The following JAKMIP3 variants were observed in gnomAD, a reference collection of about 807,000 sequenced individuals.
JAKMIP3 encodes the protein Janus kinase and microtubule interacting protein 3.
A neutral mutation model predicts 118.5 loss-of-function variants in JAKMIP3; 58 were observed. That is an observed-to-expected ratio of 0.49 (90% confidence interval 0.40 to 0.61). The LOEUF (loss-of-function observed/expected upper bound fraction) is 0.61. Among genes scored for constraint, JAKMIP3 ranks in the 20% least tolerant of loss-of-function variants. The pLI is 0.00. For synonymous variants in JAKMIP3, 486 were observed against 451.2 expected (o/e 1.08, Z -0.98); for missense variants, 950 against 1,109.0 (o/e 0.86, Z 2.04).
chr10:132,037,202 T>C (rs2037537496), intron 1 of JAKMIP3, among the ~76,000 whole-genome samples: 1 of 152,186 alleles, frequency 6.6e-6, no homozygotes, highest in East Asian at 1.9e-4. Context: ...AAGGCTTTGG[T>C]GGAGGTCGGG....
intron 21 of JAKMIP3, among the ~76,000 whole-genome samples, chr10:132,166,712 C>T (rs961255091): frequency 3.3e-5 from 5 of 152,188 alleles, no homozygotes; most frequent in Non-Finnish European, 7.4e-5. Flanking sequence ...GCTGGGGACA[C>T]GCTGGGTGTG....
intron 1 of JAKMIP3, among the ~76,000 whole-genome samples, chr10:132,047,796 A>C: frequency 9.6e-6 from 1 of 103,792 alleles, no homozygotes; most frequent in African/African-American, 3.5e-5. Flanking sequence ...CTGCGAGCTG[A>C]GTGTCCCCTC....
At chr10:132,171,132 G>A (rs556581875) in intron 23 of JAKMIP3, among the ~76,000 whole-genome samples, 61 of 152,376 alleles carry the variant, frequency 4.0e-4, no homozygotes, top group Admixed American at 7.2e-4. Flanking sequence ...TCCCTTGGGG[G>A]AGGTTACGGA....
chr10:132,165,766 C>T (rs2058835231), intron 21 of JAKMIP3, among the ~76,000 whole-genome samples: 1 of 152,248 alleles, frequency 6.6e-6, no homozygotes, highest in Admixed American at 6.5e-5. Context: ...CGGTGACACC[C>T]ATGCCCTTCC....
At chr10:132,178,940 C>T (rs758425702) in intron 23 of JAKMIP3, among the ~76,000 whole-genome samples, 43 of 152,334 alleles carry the variant, frequency 2.8e-4, no homozygotes, top group Admixed American at 1.3e-4. Context: ...TGTACGACTA[C>T]GTCTGCACGT....
chr10:132,148,223 G>A (rs113775002), intron 14 of JAKMIP3, among the ~76,000 whole-genome samples, 173 bp downstream of exon 14: 28 of 152,150 alleles, frequency 1.8e-4, no homozygotes, highest in African/African-American at 5.8e-4. Context: ...TCTTCATACC[G>A]GCCGTCCAAA....
chr10:132,132,362 G>C (rs2050802849), intron 3 of JAKMIP3, among the ~76,000 whole-genome samples: 1 of 152,164 alleles, frequency 6.6e-6, no homozygotes, highest in Non-Finnish European at 1.5e-5. Context: ...CTAGTGCCGT[G>C]GAAAATGATG....
rs111629436 is a variant in JAKMIP3, at chr10:132,108,840, C to CA, written c.135+3908dup. Among the ~76,000 whole-genome samples, 58 of 130,506 alleles carry CA rather than the reference C, an allele frequency of 4.4e-4. 1 individual carries two copies. The highest frequency in any genetic ancestry group is 2.9e-3 in the Admixed American group (38 of 13,058). The allele number at this position is 130,506 out of a possible 152,430, so 85.6% of individuals were successfully genotyped here. ...CAACATAGCAAAACCTGGTCTCCAC[C>CA]AAAAAAAAAAATTATATATATGTAT... On this transcript the variant is annotated intron_variant, in intron 2 of 23. Transcript: ENST00000684848.
intron 1 of JAKMIP3, among the ~76,000 whole-genome samples, chr10:132,052,193 T>C (rs577992178): frequency 6.6e-6 from 1 of 152,290 alleles, no homozygotes; most frequent in Non-Finnish European, 1.5e-5. Context: ...GCCACTACAC[T>C]CCAGCCTGGG....
At chr10:132,122,432 G>A (rs2048731091) in intron 3 of JAKMIP3, among the ~76,000 whole-genome samples, 1 of 152,268 alleles carries the variant, frequency 6.6e-6, no homozygotes, top group South Asian at 2.1e-4. Context: ...GCCATCTCAG[G>A]AGCCCACTGG....
At chr10:132,162,683 A>G (rs934204771) in intron 19 of JAKMIP3, among the ~76,000 whole-genome samples, 1 of 152,010 alleles carries the variant, frequency 6.6e-6, no homozygotes, top group African/African-American at 2.4e-5. Context: ...AGATTGTATC[A>G]ATAAAATTTG....
intron 3 of JAKMIP3, among the ~76,000 whole-genome samples, chr10:132,124,475 G>A (rs1268452764): frequency 1.4e-5 from 2 of 143,200 alleles, no homozygotes; most frequent in African/African-American, 5.2e-5. Context: ...CGCCATACAC[G>A]TCCATTGCCA....
chr10:132,047,441 G>A (rs773952792), intron 1 of JAKMIP3, among the ~76,000 whole-genome samples: 18 of 152,180 alleles, frequency 1.2e-4, no homozygotes, highest in Non-Finnish European at 2.5e-4. Context: ...GTGTCTCTGG[G>A]CCTGATCATT....
At chr10:132,151,962 T>C (rs1427261362) in intron 16 of JAKMIP3, among the ~76,000 whole-genome samples, 1 of 152,188 alleles carries the variant, frequency 6.6e-6, no homozygotes, top group African/African-American at 2.4e-5. Context: ...ATGCAACTTG[T>C]GGTTTAATCA....
intron 1 of JAKMIP3, among the ~76,000 whole-genome samples, chr10:132,101,531 A>G (rs535341196): frequency 2.0e-5 from 3 of 152,322 alleles, no homozygotes; most frequent in Admixed American, 2.0e-4. Context: ...TAGCAAAACT[A>G]TGGGAACGAC....
At chr10:132,170,466 G>C (rs1023628391) in intron 23 of JAKMIP3, among the ~76,000 whole-genome samples, 1 of 152,200 alleles carries the variant, frequency 6.6e-6, no homozygotes, top group Non-Finnish European at 1.5e-5. Flanking sequence ...GCCCCGAGCA[G>C]GTTCCCACAA....
At position 132,137,573 on chromosome 10, in the gene JAKMIP3, G is replaced by C. The variant is rs141887549; in HGVS notation, c.1284+284G>C. On this transcript the variant is annotated intron_variant, in intron 8 of 23. Transcript: ENST00000684848. ...CTCAGTTAATGGCCAGGGTCAGACGGCTGCCCTTCTCCGGCTGCTCACCCC... is the reference window on the plus strand; with the variant it reads ...CTCAGTTAATGGCCAGGGTCAGACGCCTGCCCTTCTCCGGCTGCTCACCCC... Among the ~76,000 whole-genome samples, 12 of 152,300 alleles carry C rather than the reference G, an allele frequency of 7.9e-5. No homozygotes were observed. In the East Asian group the frequency reaches 2.1e-3, roughly 27 times the overall value.
intron 15 of JAKMIP3, 47 bp downstream of exon 15, chr10:132,149,557 C>CCTGCCCCACCCCCTCT: frequency 1.2e-6 from 1 of 840,560 alleles, no homozygotes; most frequent in Non-Finnish European, 1.7e-6. Context: ...TCACCCATCC[C>CCTGCCCCACCCCCTCT]CCGCCCCACC....
Position 132,044,266 on chromosome 10 carries a change from A to G in JAKMIP3, c.-138+7528A>G, listed in dbSNP as rs933645232. 1.3e-5 allele frequency among the ~76,000 whole-genome samples: 2 copies of G among 152,158 alleles called. No individual in the cohort carries two copies. Among genetic ancestry groups the G allele is most frequent in the African/African-American group, 4.8e-5 (2 of 41,450 alleles). Reference sequence around the variant, plus strand: ...CCTAGACACGTCTCCTGGTCCAGGCATCGTGGACCTCCCTGGGGTGAGTAG... The same window carrying G: ...CCTAGACACGTCTCCTGGTCCAGGCGTCGTGGACCTCCCTGGGGTGAGTAG... On this transcript the variant is annotated intron_variant, in intron 1 of 23. Coordinates refer to the JAKMIP3 transcript ENST00000657785. This position sits in a 1 kb window ranked among gnomAD's most constrained non-coding sequence, Gnocchi z 5.3.
Sources: allele counts gnomAD v4.1 joint callset (sites outside exome capture counted in the v4.1 genomes callset), GRCh38; gene constraint gnomAD v4.1.1; non-coding constraint Gnocchi (gnomAD v3.1); transcripts MANE v1.5; gene names NCBI Gene and HGNC (gene_info 2026-07-23, HGNC 2026-07-21).